Variants in ARRDC3 observed in about 807,000 individuals in gnomAD.
The protein encoded by ARRDC3 is arrestin domain-containing protein 3.
A neutral mutation model predicts 47.2 loss-of-function variants in ARRDC3; 10 were observed. The ratio of observed to expected loss-of-function variants is 0.21; its 90% CI spans 0.13 to 0.36. The LOEUF (loss-of-function observed/expected upper bound fraction) is 0.36, where lower values mean the gene tolerates loss of function less well. Among genes scored for constraint, ARRDC3 ranks in the 10% least tolerant of loss-of-function variants. The pLI is 1.00. For missense variants in ARRDC3, 381 were observed against 503.6 expected (o/e 0.76, Z 2.33); for synonymous variants, 156 against 178.3 (o/e 0.87, Z 1.00).
Position 91,374,968 on chromosome 5 carries a change from G to A in ARRDC3, c.824C>T (p.Pro275Leu). The A allele has an allele frequency of 6.2e-7, 1 of 1,614,148 alleles. No homozygotes were observed. The highest frequency in any genetic ancestry group is 8.5e-7 in the Non-Finnish European group (1 of 1,179,998). The change falls in exon 5 of 8, where the codon CCC becomes CTC. Residue 275 changes from proline to leucine, a missense_variant. Coordinates refer to ENST00000265138, the MANE Select transcript of ARRDC3 (RefSeq NM_020801.4). ...GKLLKIPPVS[P>L]SILDCSIIRV... Reference sequence around the variant, plus strand: ...GATTATACTACAGTCGAGGATAGAGGGAGAAACTGGTGGAATTTTCAGCAA... The same window carrying A: ...GATTATACTACAGTCGAGGATAGAGAGAGAAACTGGTGGAATTTTCAGCAA...
intron 1 of ARRDC3, chr5:91,380,283 C>A (rs886525320): frequency 3.9e-5 from 6 of 152,884 alleles, no homozygotes; most frequent in African/African-American, 7.2e-5. Context: ...GCGGCGCTCG[C>A]GCCCGTGCCC....
At chr5:91,371,503 C>A in intron 7 of ARRDC3, 47 bp from the exon 8 acceptor site, 1 of 1,462,526 alleles carries the variant, frequency 6.8e-7, no homozygotes. Flanking sequence ...TTCATGAGGT[C>A]TAGGAAGAAT....
At chr5:91,379,234 A>C (rs1294524131) in intron 1 of ARRDC3, among the ~76,000 whole-genome samples, 1 of 150,096 alleles carries the variant, frequency 6.7e-6, no homozygotes, top group Non-Finnish European at 1.5e-5. Flanking sequence ...TAATAATACC[A>C]GATGTGAATA....
Position 91,371,187 on chromosome 5 carries a change from G to T in ARRDC3, c.*213C>A. 1 of 546,016 alleles carries T rather than the reference G, an allele frequency of 1.8e-6. No homozygotes were observed. Among genetic ancestry groups the T allele is most frequent in the South Asian group, 2.6e-5 (1 of 38,606 alleles). The allele number at this position is 546,016 out of a possible 1,614,324, so 33.8% of individuals were successfully genotyped here. ...CTGAGTATGTGCCAGTTTTAAAAGA[G>T]AAAAGCTTAGATCTTCAAGCATGTT... On this transcript the variant is annotated 3_prime_UTR_variant, in exon 8 of 8. Transcript: ENST00000265138.
chr5:91,378,833 C>T (rs1799369043), intron 1 of ARRDC3, 58 bp from the exon 2 acceptor site: 10 of 1,131,894 alleles, frequency 8.8e-6, no homozygotes, highest in Non-Finnish European at 1.3e-5. Flanking sequence ...ACATACTCCG[C>T]AGGGTGGCAT....
Position 91,374,235 on chromosome 5 carries a change from A to G in ARRDC3, c.912T>C (p.Asn304=), listed in dbSNP as rs1485697324. ...GAATGGTACCGATGACAAGTGGCAA[A>G]TTAAGAAATAAATCCATAGCTCCAG... ...DIPGAMDLFL[N]LPLVIGTIPL... is the part of the protein sequence containing the mutation. The change falls in exon 6 of 8, where the codon AAT becomes AAC. Residue 304 remains asparagine, a synonymous_variant. Transcript: ENST00000265138. 1.2e-6 allele frequency: 2 copies of G among 1,613,918 alleles called. No homozygotes were observed. Among genetic ancestry groups the G allele is most frequent in the African/African-American group, 1.3e-5 (1 of 75,044 alleles).
chr5:91,371,295 G>C lies in ARRDC3; in HGVS notation c.*105C>G. 1 of 1,026,490 alleles carries C rather than the reference G, an allele frequency of 9.7e-7. No individual in the cohort carries two copies. The highest frequency in any genetic ancestry group is 1.6e-5 in the African/African-American group (1 of 62,026). The allele number at this position is 1,026,490 out of a possible 1,614,324, so 63.6% of individuals were successfully genotyped here. ...GTATTCGCCATTTTTCTGGGCAAAA[G>C]TAATTCCACTTCCTCTGAAACGTGT... On this transcript the variant is annotated 3_prime_UTR_variant, in exon 8 of 8. Transcript: ENST00000265138.
chr5:91,378,625 AT>A (rs1799361485), intron 2 of ARRDC3, 68 bp downstream of exon 2: 1 of 890,094 alleles, frequency 1.1e-6, no homozygotes, highest in African/African-American at 1.8e-5. Flanking sequence ...TAAATTTAGA[AT>A]ACTTAATTTT....
At chr5:91,377,400 T>A (rs1274509666) in intron 2 of ARRDC3, among the ~76,000 whole-genome samples, 1 of 152,114 alleles carries the variant, frequency 6.6e-6, no homozygotes, top group African/African-American at 2.4e-5. Context: ...TTGATCTATG[T>A]CAAGAGAATA....
In ARRDC3 at chr5:91,371,180, T is replaced by A; in HGVS notation, c.*220A>T. Reference sequence around the variant, plus strand: ...GACTGCTCTGAGTATGTGCCAGTTTTAAAAGAGAAAAGCTTAGATCTTCAA... The same window carrying A: ...GACTGCTCTGAGTATGTGCCAGTTTAAAAAGAGAAAAGCTTAGATCTTCAA... On this transcript the variant is annotated 3_prime_UTR_variant, in exon 8 of 8. Transcript: ENST00000265138. 1.8e-6 allele frequency: 1 copy of A among 543,042 alleles called. No homozygotes were observed. Among genetic ancestry groups the A allele is most frequent in the South Asian group, 2.6e-5 (1 of 38,314 alleles). 33.6% of individuals were successfully genotyped at this position (543,042 alleles called of 1,614,324 possible).
rs761144028 is a variant in ARRDC3, at chr5:91,374,154, A to G, written c.993T>C (p.Asn331=). The part of the protein sequence containing the change: ...TSSVSSQCSM[N]MNWLSLSLPE... ...GAAGTGATAAACTGAGCCAGTTCAT[A>G]TTCATGCTACACTGACTGCTTACAC... is the stretch of plus-strand genomic sequence containing the variant. Residue 331 remains asparagine (N), a synonymous_variant, in exon 6 of 8, where the codon AAT becomes AAC. Transcript: ENST00000265138. The G allele has an allele frequency of 5.6e-6, 9 of 1,613,938 alleles. No individual in the cohort carries two copies. The Admixed American group carries it at 1.0e-4, about 18-fold the overall frequency.
rs1269456392 is a variant in ARRDC3, at chr5:91,383,283, G to C, written c.-191C>G. The C allele has an allele frequency of 1.4e-5, 8 of 559,448 alleles. No individual in the cohort carries two copies. Among genetic ancestry groups the C allele is most frequent in the African/African-American group, 3.9e-5 (2 of 51,686 alleles). 34.7% of individuals were successfully genotyped at this position (559,448 alleles called of 1,614,324 possible). ...AGGGCAGCAGAGGCTGCTGCTCCGC[G>C]CTCCCGCTCGTCTCAGTGGTCTCCT... On this transcript the variant is annotated 5_prime_UTR_variant, in exon 1 of 8. Coordinates refer to ENST00000265138, the MANE Select transcript of ARRDC3 (RefSeq NM_020801.4).
At chr5:91,381,947 A>G (rs1035016739) in intron 1 of ARRDC3, among the ~76,000 whole-genome samples, 6 of 152,174 alleles carry the variant, frequency 3.9e-5, no homozygotes, top group African/African-American at 1.4e-4. Flanking sequence ...AGTCTCCTAT[A>G]TTTCCACAAT....
intron 7 of ARRDC3, among the ~76,000 whole-genome samples, chr5:91,372,260 T>C (rs1196645007): frequency 6.6e-6 from 1 of 152,184 alleles, no homozygotes; most frequent in Non-Finnish European, 1.5e-5. Context: ...CAACCCAAAT[T>C]GCCTCAGAAG....
intron 2 of ARRDC3, 34 bp downstream of exon 2, chr5:91,378,660 A>T (rs985153886): frequency 1.8e-6 from 2 of 1,131,322 alleles, no homozygotes; most frequent in Non-Finnish European, 1.3e-6. Context: ...GATCATAAGT[A>T]TCTATAAAAA....
rs1277636419 is a variant in ARRDC3, at chr5:91,371,439, A to G, written c.1206T>C (p.Asp402=). The G allele has an allele frequency of 6.2e-7, 1 of 1,613,440 alleles. No homozygotes were observed. The highest frequency in any genetic ancestry group is 8.5e-7 in the Non-Finnish European group (1 of 1,179,596). ...PLYSEIDPNP[D]QSADDRPSCP... is the part of the protein sequence containing the mutation. ...AGGATGGTCTATCATCTGCTGACTGATCAGGATTTGGATCAATCTAGAAAG... is the reference window on the plus strand; with the variant it reads ...AGGATGGTCTATCATCTGCTGACTGGTCAGGATTTGGATCAATCTAGAAAG... Residue 402 remains aspartate (D), a synonymous_variant, in exon 8 of 8, where the codon GAT becomes GAC. Coordinates refer to ENST00000265138, the MANE Select transcript of ARRDC3 (RefSeq NM_020801.4).
intron 6 of ARRDC3, 98 bp from the exon 7 acceptor site, chr5:91,373,936 AATT>A: frequency 6.5e-7 from 1 of 1,529,546 alleles, no homozygotes; most frequent in Non-Finnish European, 8.9e-7. Flanking sequence ...AAGGTAAAAT[AATT>A]ATTGTTTGGT....
intron 6 of ARRDC3, 92 bp from the exon 7 acceptor site, chr5:91,373,930 T>C (rs1416872302): frequency 6.5e-7 from 1 of 1,535,052 alleles, no homozygotes; most frequent in African/African-American, 1.4e-5. Context: ...AACGTCAAGG[T>C]AAAATAATTA....
chr5:91,376,919 C>G (rs1230850775), intron 2 of ARRDC3, 151 bp from the exon 3 acceptor site: 1 of 705,588 alleles, frequency 1.4e-6, no homozygotes, highest in Admixed American at 4.2e-5. Flanking sequence ...AGGGATAAGT[C>G]ACTGGGGAAA....
Sources: gnomAD v4.1 joint callset for allele counts (sites outside exome capture counted in the v4.1 genomes callset) on GRCh38, gnomAD v4.1.1 for gene constraint, MANE v1.5 for transcripts, NCBI Gene and HGNC (gene_info 2026-07-23, HGNC 2026-07-21) for gene names.